SLC24A2: variants seen among roughly 807,000 people sequenced by gnomAD.
SLC24A2 encodes sodium/potassium/calcium exchanger 2.
A neutral mutation model predicts 62.0 loss-of-function variants in SLC24A2; 36 were observed. The ratio of observed to expected loss-of-function variants is 0.58; its 90% CI spans 0.44 to 0.77. The LOEUF (loss-of-function observed/expected upper bound fraction) is 0.77. Ranked by LOEUF, SLC24A2 falls within the 30% of genes least tolerant of loss-of-function variation. The probability of loss-of-function intolerance (pLI) is 0.00; values close to 1 mark genes in which losing one functional copy is unlikely to be tolerated. For missense variants in SLC24A2, 846 were observed against 817.9 expected (o/e 1.03, Z -0.42); for synonymous variants, 358 against 294.0 (o/e 1.22, Z -2.23).
chr9:19,806,061 G>C, the SLC24A2 span, among the ~76,000 whole-genome samples: 14 of 152,072 alleles, frequency 9.2e-5, no homozygotes, highest in African/African-American at 1.9e-4. Flanking sequence ...AATTAGAATA[G>C]GCATAATATT....
the SLC24A2 span, among the ~76,000 whole-genome samples, chr9:19,876,349 G>A: frequency 8.0e-5 from 12 of 149,076 alleles, no homozygotes; most frequent in South Asian, 1.5e-3. Flanking sequence ...ACATTAAAAT[G>A]TATGTTTATT....
intron 2 of SLC24A2, among the ~76,000 whole-genome samples, chr9:19,777,159 G>A (rs1189529129): frequency 6.6e-6 from 1 of 152,200 alleles, no homozygotes; most frequent in Non-Finnish European, 1.5e-5. Flanking sequence ...AGAGATCTTT[G>A]TGTGAGTCAT....
chr9:20,217,628 G>A, the SLC24A2 span, among the ~76,000 whole-genome samples: 8 of 152,088 alleles, frequency 5.3e-5, no homozygotes, highest in African/African-American at 7.2e-5. Flanking sequence ...TGAACACATC[G>A]GGGGGTAAAC....
intron 2 of SLC24A2, among the ~76,000 whole-genome samples, chr9:19,727,855 C>A (rs941413132): frequency 6.6e-6 from 1 of 152,088 alleles, no homozygotes; most frequent in East Asian, 1.9e-4. Flanking sequence ...AACTACAAAT[C>A]GAGATCATTT....
At chr9:20,006,172 A>C in the SLC24A2 span, among the ~76,000 whole-genome samples, 3 of 151,566 alleles carry the variant, frequency 2.0e-5, no homozygotes, top group African/African-American at 7.3e-5. Context: ...TCATATTTAT[A>C]TATTAATATG....
chr9:19,750,779 T>C (rs1416674905), intron 2 of SLC24A2, among the ~76,000 whole-genome samples: 1 of 152,130 alleles, frequency 6.6e-6, no homozygotes, highest in East Asian at 1.9e-4. Context: ...CGACCATCAC[T>C]TTCCCCCAAC....
chr9:19,730,257 G>A (rs1369045762), intron 2 of SLC24A2, among the ~76,000 whole-genome samples: 1 of 152,088 alleles, frequency 6.6e-6, no homozygotes, highest in African/African-American at 2.4e-5. Context: ...TATCTTGAAG[G>A]TAACTTGGCA....
At chr9:20,207,315 C>G in the SLC24A2 span, among the ~76,000 whole-genome samples, 3 of 152,176 alleles carry the variant, frequency 2.0e-5, no homozygotes, top group Admixed American at 1.3e-4. Context: ...CTATGGCTTA[C>G]CCCTGTAGCC....
At chr9:20,056,443 T>A in the SLC24A2 span, among the ~76,000 whole-genome samples, 1 of 152,234 alleles carries the variant, frequency 6.6e-6, no homozygotes, top group South Asian at 2.1e-4. Context: ...CAAAAGGTTC[T>A]ATTTCTAATC....
chr9:19,815,665 A>T, the SLC24A2 span, among the ~76,000 whole-genome samples: 1 of 152,172 alleles, frequency 6.6e-6, no homozygotes, highest in Non-Finnish European at 1.5e-5. Flanking sequence ...CAAAAGAGTC[A>T]CCGGCTCTTA....
At chr9:19,534,331 T>C (rs1471907798) in intron 8 of SLC24A2, among the ~76,000 whole-genome samples, 1 of 152,198 alleles carries the variant, frequency 6.6e-6, no homozygotes, top group Non-Finnish European at 1.5e-5. Context: ...GCCTTAACAA[T>C]ATAAATTGTA....
rs774951362 is a variant in SLC24A2 at position 19,550,163 on chromosome 9, T to A, written c.1453A>T (p.Ile485Phe). 12 of 1,613,914 alleles carry A rather than the reference T, an allele frequency of 7.4e-6. No homozygotes were observed. The highest frequency in any genetic ancestry group is 1.0e-5 in the Non-Finnish European group (12 of 1,179,948). Residue 485 changes from isoleucine to phenylalanine, a missense_variant, in exon 8 of 11, where the codon ATT becomes TTT. Coordinates refer to ENST00000341998, the MANE Select transcript of SLC24A2 (RefSeq NM_020344.4). ...GGTTTGCGAACGTCAGGTAACGTAA[T>A]CCAGAGAGGAAACACTATGGGGAAA... ...IVFPIVFPLW[I>F]TLPDVRKPSS...
the SLC24A2 span, among the ~76,000 whole-genome samples, chr9:20,207,825 G>T: frequency 6.6e-6 from 1 of 152,180 alleles, no homozygotes; most frequent in Non-Finnish European, 1.5e-5. Context: ...TTATGGTCCA[G>T]TGGGGGAGAG....
At chr9:19,869,048 C>T in the SLC24A2 span, among the ~76,000 whole-genome samples, 1 of 152,090 alleles carries the variant, frequency 6.6e-6, no homozygotes, top group African/African-American at 2.4e-5. Flanking sequence ...GTGGCAGGAA[C>T]ACGGCTCACT....
the SLC24A2 span, among the ~76,000 whole-genome samples, chr9:20,197,693 A>C: frequency 2.6e-5 from 4 of 152,100 alleles, no homozygotes; most frequent in Admixed American, 1.3e-4. Context: ...TGGCCTCCCA[A>C]AGTTCTGGGA....
At chr9:20,050,659 T>G in the SLC24A2 span, among the ~76,000 whole-genome samples, 1 of 152,206 alleles carries the variant, frequency 6.6e-6, no homozygotes, top group Non-Finnish European at 1.5e-5. Context: ...TCAACTCTAT[T>G]TGATAGGTGA....
intron 5 of SLC24A2, among the ~76,000 whole-genome samples, chr9:19,580,217 T>A (rs1482070419): frequency 6.6e-6 from 1 of 152,234 alleles, no homozygotes; most frequent in African/African-American, 2.4e-5. Context: ...AGATGATTCT[T>A]TGTCGCAACT....
the SLC24A2 span, among the ~76,000 whole-genome samples, chr9:20,222,295 A>T: frequency 6.6e-6 from 1 of 151,848 alleles, no homozygotes; most frequent in African/African-American, 2.4e-5. Flanking sequence ...ATAAGCAAGA[A>T]AAAAGAAGAC....
chr9:20,222,902 C>T, the SLC24A2 span, among the ~76,000 whole-genome samples: 6 of 151,764 alleles, frequency 4.0e-5, no homozygotes, highest in South Asian at 2.1e-4. Flanking sequence ...CGCTTTAATA[C>T]GGTAATGAAG....
Sources: allele counts gnomAD v4.1 joint callset (sites outside exome capture counted in the v4.1 genomes callset), GRCh38; gene constraint gnomAD v4.1.1; transcripts MANE v1.5; gene names NCBI Gene and HGNC (gene_info 2026-07-23, HGNC 2026-07-21).